Variants in SNX6 observed in about 807,000 individuals in gnomAD.
SNX6 encodes the protein sorting nexin 6.
SNX6 carries 34 observed loss-of-function variants against 63.0 expected under a neutral mutation model. The observed-to-expected ratio is 0.54, with a 90% CI of 0.41 to 0.72. The LOEUF (loss-of-function observed/expected upper bound fraction) is 0.72, where lower values mean the gene tolerates loss of function less well. Among genes scored for constraint, SNX6 ranks in the 30% least tolerant of loss-of-function variants. SNX6 has a pLI of 0.00. For missense variants in SNX6, 398 were observed against 471.4 expected (o/e 0.84, Z 1.44); for synonymous variants, 170 against 164.2 (o/e 1.04, Z -0.27).
intron 2 of SNX6, chr14:34,629,682 C>CG (rs1185770111): frequency 2.8e-5 from 21 of 744,482 alleles, no homozygotes; most frequent in Non-Finnish European, 4.4e-5. Context: ...CGAACAGCGG[C>CG]GGGGGACAAG....
chr14:34,562,871 T>G lies in SNX6; in HGVS notation c.*251A>C. ...GGCTACTTTAAAGAAGAATGAACTTTGGACTTCTGAGTATGACGAGTGCAC... is the reference window on the plus strand; with the variant it reads ...GGCTACTTTAAAGAAGAATGAACTTGGGACTTCTGAGTATGACGAGTGCAC... On this transcript the variant is annotated 3_prime_UTR_variant, in exon 14 of 14. Coordinates refer to ENST00000362031, the MANE Select transcript of SNX6 (RefSeq NM_152233.4). 1 of 461,868 alleles carries G rather than the reference T, an allele frequency of 2.2e-6. No individual in the cohort carries two copies. The highest frequency in any genetic ancestry group is 3.5e-5 in the East Asian group (1 of 28,696). The allele number at this position is 461,868 out of a possible 1,614,324, so 28.6% of individuals were successfully genotyped here.
At chr14:34,621,636 AC>A (rs1308178961) in intron 2 of SNX6, among the ~76,000 whole-genome samples, 1 of 152,194 alleles carries the variant, frequency 6.6e-6, no homozygotes, top group Non-Finnish European at 1.5e-5. Flanking sequence ...AATCCAACAT[AC>A]GTGGAACCAG....
At chr14:34,594,574 C>G (rs1566478692) in intron 7 of SNX6, among the ~76,000 whole-genome samples, 1 of 152,028 alleles carries the variant, frequency 6.6e-6, no homozygotes, top group Non-Finnish European at 1.5e-5. Context: ...GTTGCCCAGG[C>G]TGGTCTTAAA....
intron 13 of SNX6, among the ~76,000 whole-genome samples, chr14:34,567,115 T>C (rs777519097): frequency 6.6e-5 from 10 of 151,860 alleles, no homozygotes; most frequent in Admixed American, 2.0e-4. Flanking sequence ...TCCTAGCTAC[T>C]CGGGAGGCTG....
At chr14:34,629,567 C>A (rs2138403245) in intron 2 of SNX6, 1 of 583,576 alleles carries the variant, frequency 1.7e-6, no homozygotes, top group East Asian at 3.8e-5. Context: ...GTTTTCATGG[C>A]CCCAAAGTGT....
intron 10 of SNX6, among the ~76,000 whole-genome samples, chr14:34,580,520 C>G (rs531242276): frequency 6.6e-6 from 1 of 151,998 alleles, no homozygotes; most frequent in South Asian, 2.1e-4. Flanking sequence ...CCAAGCTGGT[C>G]GAACTCCTGG....
intron 2 of SNX6, among the ~76,000 whole-genome samples, chr14:34,610,245 G>T (rs778297123): frequency 2.7e-5 from 4 of 149,420 alleles, no homozygotes; most frequent in South Asian, 2.1e-4. Context: ...TGTGGTCTCA[G>T]TACACAGGAG....
chr14:34,587,629 C>T lies in SNX6; in HGVS notation c.719-1324G>A, dbSNP rs911663600. Reference sequence around the variant, plus strand: ...TAGACTCCATCTCAAAACAAACAAACAAACAAAATTTATTTATTTGGAGAC... The same window carrying T: ...TAGACTCCATCTCAAAACAAACAAATAAACAAAATTTATTTATTTGGAGAC... On this transcript the variant is annotated intron_variant, in intron 8 of 13. Transcript: ENST00000362031. Among the ~76,000 whole-genome samples the T allele has an allele frequency of 2.9e-5, 4 of 138,632 alleles. No homozygotes were observed. In the Admixed American group the frequency reaches 2.9e-4, roughly 10 times the overall value. 90.9% of individuals were successfully genotyped at this position (138,632 alleles called of 152,430 possible). A position where few individuals can be genotyped will look rare whatever the true frequency, so the allele number is the denominator to read the frequency against.
At chr14:34,604,919 C>A (rs1253321719) in intron 5 of SNX6, among the ~76,000 whole-genome samples, 4 of 151,806 alleles carry the variant, frequency 2.6e-5, no homozygotes, top group Non-Finnish European at 5.9e-5. Flanking sequence ...GATACTCAAC[C>A]TGTACATAAT....
At chr14:34,613,068 G>A (rs370689053) in intron 2 of SNX6, among the ~76,000 whole-genome samples, 101 of 148,762 alleles carry the variant, frequency 6.8e-4, no homozygotes, top group African/African-American at 2.4e-3. Flanking sequence ...AACTGACACA[G>A]GAAAAAAACA....
rs1479217396 is a variant in SNX6, at chr14:34,593,118, T to C, written c.645A>G (p.Thr215=). 6.2e-7 allele frequency: 1 copy of C among 1,606,406 alleles called. No homozygotes were observed. The highest frequency in any genetic ancestry group is 1.1e-5 in the South Asian group (1 of 88,702). Residue 215 remains threonine (T), a synonymous_variant, in exon 8 of 14, where the codon ACA becomes ACG. Coordinates refer to ENST00000362031, the MANE Select transcript of SNX6 (RefSeq NM_152233.4). Reference sequence around the variant, plus strand: ...CTCGGTTATGATACTCCAAAAGAAATGTTCGTTCGTGCTCAAAGAAATCAT... The same window carrying C: ...CTCGGTTATGATACTCCAAAAGAAACGTTCGTTCGTGCTCAAAGAAATCAT... ...DVDDFFEHER[T]FLLEYHNRVK...
chr14:34,587,520 A>G (rs8007209), intron 8 of SNX6, among the ~76,000 whole-genome samples: 108,537 of 127,728 alleles, frequency 0.85, 46,303 homozygotes, highest in African/African-American at 0.86. Flanking sequence ...GCGACAGAGC[A>G]AGACTCCATC....
intron 9 of SNX6, among the ~76,000 whole-genome samples, chr14:34,583,715 A>G (rs951165389): frequency 1.3e-4 from 20 of 152,178 alleles, no homozygotes; most frequent in Admixed American, 1.2e-3. Flanking sequence ...AATACTACTC[A>G]AAGCAAAAAC....
chr14:34,580,521 G>A (rs971645322), intron 10 of SNX6, among the ~76,000 whole-genome samples: 4 of 151,900 alleles, frequency 2.6e-5, no homozygotes, highest in African/African-American at 9.7e-5. Flanking sequence ...CAAGCTGGTC[G>A]AACTCCTGGC....
intron 2 of SNX6, among the ~76,000 whole-genome samples, chr14:34,614,178 A>G (rs981623297): frequency 2.6e-5 from 4 of 151,678 alleles, no homozygotes; most frequent in African/African-American, 7.3e-5. Context: ...TATAATATTA[A>G]CACTTTGGGA....
At chr14:34,625,281 A>G (rs1883784872) in intron 2 of SNX6, among the ~76,000 whole-genome samples, 1 of 152,172 alleles carries the variant, frequency 6.6e-6, no homozygotes, top group Admixed American at 6.5e-5. Context: ...TAAAAGTTCT[A>G]ATTATGGTAA....
chr14:34,605,559 CAA>C (rs111249131), intron 5 of SNX6, 35 bp downstream of exon 5: 2,295 of 1,270,926 alleles, frequency 1.8e-3, no homozygotes, highest in Middle Eastern at 3.0e-3. Flanking sequence ...CAACAACAAC[CAA>C]AAAAAAAAAA....
intron 4 of SNX6, among the ~76,000 whole-genome samples, chr14:34,605,934 G>A (rs902950524): frequency 2.0e-5 from 3 of 152,016 alleles, no homozygotes; most frequent in African/African-American, 7.2e-5. Flanking sequence ...AGCACTTTGG[G>A]AGGCTGAGGT....
At chr14:34,606,148 TG>T (rs1239670722) in intron 4 of SNX6, among the ~76,000 whole-genome samples, 1 of 150,464 alleles carries the variant, frequency 6.6e-6, no homozygotes, top group Non-Finnish European at 1.5e-5. Flanking sequence ...CACTCCAGCC[TG>T]GGTGATAGAG....
Sources: allele counts gnomAD v4.1 joint callset (sites outside exome capture counted in the v4.1 genomes callset), GRCh38; gene constraint gnomAD v4.1.1; transcripts MANE v1.5; gene names NCBI Gene and HGNC (gene_info 2026-07-23, HGNC 2026-07-21).